KRT86: variants seen among roughly 807,000 people sequenced by gnomAD.
KRT86 encodes the protein keratin 86, also known as keratin, type II cuticular Hb6.
A neutral mutation model predicts 41.2 loss-of-function variants in KRT86; 30 were observed. That is an observed-to-expected ratio of 0.73 (90% CI 0.54 to 0.99). The LOEUF is 0.99. Among genes scored for constraint, KRT86 ranks in the 50% least tolerant of loss-of-function variants. KRT86 has a pLI of 0.00. For missense variants in KRT86, 561 were observed against 571.4 expected, an observed-to-expected ratio of 0.98 and a Z score of 0.19; for synonymous variants, 238 against 238.1, an observed-to-expected ratio of 1.00 and a Z score of 0.00.
chr12:52,275,582 C>T (rs1448133406), intron 1 of KRT86, among the ~76,000 whole-genome samples: 3 of 152,220 alleles, frequency 2.0e-5, no homozygotes, highest in Non-Finnish European at 4.4e-5. Flanking sequence ...TGTGTTGCTG[C>T]CCTTCCTGCC....
At chr12:52,291,504 G>C in intron 2 of KRT86, 1 of 1,609,044 alleles carries the variant, frequency 6.2e-7, no homozygotes. Context: ...GACAGGATAG[G>C]GGACCTGGAG....
At chr12:52,292,732 GC>G (rs1237535968) in intron 2 of KRT86, among the ~76,000 whole-genome samples, 1 of 152,086 alleles carries the variant, frequency 6.6e-6, no homozygotes, top group Non-Finnish European at 1.5e-5. Flanking sequence ...TGGGCTAGAG[GC>G]TGGATTAGGT....
At chr12:52,286,209 G>A in intron 2 of KRT86, 1 of 1,497,262 alleles carries the variant, frequency 6.7e-7, no homozygotes, top group Non-Finnish European at 9.1e-7. Flanking sequence ...GCCAAGCAAG[G>A]CAGGGCAGGA....
At chr12:52,286,037 G>A (rs1235146263) in intron 2 of KRT86, 2 of 586,748 alleles carry the variant, frequency 3.4e-6, no homozygotes, top group South Asian at 2.0e-5. Flanking sequence ...CCTTCCTATG[G>A]GTGCCAGCGG....
At chr12:52,275,780 C>T in intron 1 of KRT86, 41 bp from the exon 2 acceptor site, 1 of 966,448 alleles carries the variant, frequency 1.0e-6, no homozygotes, top group Non-Finnish European at 1.2e-6. Context: ...CTGGCCTCCT[C>T]ACCTCCTGAC....
intron 2 of KRT86, among the ~76,000 whole-genome samples, chr12:52,298,443 C>G (rs1303290340): frequency 2.0e-5 from 3 of 152,226 alleles, no homozygotes; most frequent in Admixed American, 1.3e-4. Context: ...AAACTGGACA[C>G]AGATGGCTTA....
At chr12:52,285,672 G>C (rs1392789894) in intron 2 of KRT86, among the ~76,000 whole-genome samples, 1 of 152,200 alleles carries the variant, frequency 6.6e-6, no homozygotes, top group African/African-American at 2.4e-5. Context: ...CCCAATTATT[G>C]AGTGCCTCTG....
chr12:52,305,432 A>G, intron 7 of KRT86, 28 bp downstream of exon 7: 1 of 1,614,170 alleles, frequency 6.2e-7, no homozygotes, highest in Non-Finnish European at 8.5e-7. Flanking sequence ...CCTGCCTGCT[A>G]GACATGGCAG....
At chr12:52,308,300 C>A (rs993222946) in intron 10 of KRT86, 36 bp downstream of exon 10, 4 of 1,613,980 alleles carry the variant, frequency 2.5e-6, no homozygotes, top group African/African-American at 2.7e-5. Context: ...TCCCGCTGGG[C>A]GGGTCTGGGA....
At chr12:52,285,335 T>C (rs892305289) in intron 2 of KRT86, among the ~76,000 whole-genome samples, 6 of 148,736 alleles carry the variant, frequency 4.0e-5, no homozygotes, top group African/African-American at 1.5e-4. Context: ...CTGTGGCAGG[T>C]CTCCAAAACC....
At chr12:52,294,158 G>A (rs1376765774) in intron 2 of KRT86, among the ~76,000 whole-genome samples, 1 of 152,144 alleles carries the variant, frequency 6.6e-6, no homozygotes, top group East Asian at 1.9e-4. Context: ...CTGGAATTTG[G>A]GGCACTGCTC....
chr12:52,288,279 A>G (rs1938025433), intron 2 of KRT86: 2 of 1,603,916 alleles, frequency 1.2e-6, no homozygotes, highest in Admixed American at 3.3e-5. Context: ...TGCAACCTCT[A>G]CCCACATCCT....
intron 2 of KRT86, among the ~76,000 whole-genome samples, chr12:52,295,821 TTGGTGGTTTATTGTGCAAAGCTTTG>T (rs1938236794): frequency 6.6e-6 from 1 of 152,086 alleles, no homozygotes; most frequent in African/African-American, 2.4e-5. Flanking sequence ...CCATCAAAGC[TTGGTGGTTTATTGTGCAAAGCTTTG>T]TGGTAGGATA....
chr12:52,294,687 T>C (rs1276961320), intron 2 of KRT86, among the ~76,000 whole-genome samples: 1 of 151,928 alleles, frequency 6.6e-6, no homozygotes, highest in Non-Finnish European at 1.5e-5. Flanking sequence ...AAATAGAACA[T>C]GTGTGTATTT....
At position 52,305,192 on chromosome 12, in the gene KRT86, G is replaced by A. The variant is rs180679334; in HGVS notation, c.736-48G>A. The stretch of plus-strand genomic sequence containing the variant: ...TGAGGAGGTGGAGTCAGGACATGGT[G>A]GGTGGGGCTGTGTTCTCAACTAAAG... On this transcript the variant is annotated intron_variant, in intron 6 of 10. Coordinates refer to ENST00000423955, the MANE Select transcript of KRT86 (RefSeq NM_001320198.2). 5.6e-4 allele frequency: 904 copies of A among 1,613,910 alleles called. 4 individuals carry two copies. In the African/African-American group the frequency reaches 9.6e-3, roughly 17 times the overall value.
At chr12:52,299,867 C>A (rs933297525) in intron 2 of KRT86, among the ~76,000 whole-genome samples, 7 of 152,172 alleles carry the variant, frequency 4.6e-5, no homozygotes, top group Admixed American at 2.6e-4. Context: ...GAATAGTTTG[C>A]AAATATTTCT....
At chr12:52,298,054 C>T (rs1565745940) in intron 2 of KRT86, among the ~76,000 whole-genome samples, 1 of 152,172 alleles carries the variant, frequency 6.6e-6, no homozygotes, top group Non-Finnish European at 1.5e-5. Context: ...ATAATAAATA[C>T]ACACTTATGA....
intron 2 of KRT86, chr12:52,288,502 G>A (rs2121243137): frequency 1.2e-6 from 2 of 1,604,614 alleles, no homozygotes; most frequent in Non-Finnish European, 1.7e-6. Flanking sequence ...TGGTGATCCA[G>A]CCCCCAGACT....
chr12:52,293,790 C>A (rs577564736), intron 2 of KRT86, among the ~76,000 whole-genome samples: 2 of 151,990 alleles, frequency 1.3e-5, no homozygotes, highest in South Asian at 2.1e-4. Context: ...AAAATTAGCT[C>A]GTAAAGTACA....
Sources: gnomAD v4.1 joint callset for allele counts (sites outside exome capture counted in the v4.1 genomes callset) on GRCh38, gnomAD v4.1.1 for gene constraint, MANE v1.5 for transcripts, NCBI Gene and HGNC (gene_info 2026-07-23, HGNC 2026-07-21) for gene names.